Variants in OAS2 observed in about 807,000 individuals in gnomAD.
OAS2 encodes 2'-5'-oligoadenylate synthetase 2, also known as 2'-5'-oligoadenylate synthase 2.
OAS2 carries 67 observed loss-of-function variants against 71.3 expected under a neutral mutation model. That is an observed-to-expected ratio of 0.94 (90% CI 0.77 to 1.15). The LOEUF (loss-of-function observed/expected upper bound fraction) is 1.15, where lower values mean the gene tolerates loss of function less well. Among genes scored for constraint, OAS2 ranks in the 50% most tolerant of loss-of-function variants. OAS2 has a pLI of 0.00. For missense variants in OAS2, 789 were observed against 822.5 expected (o/e 0.96, Z 0.50); for synonymous variants, 327 against 321.8 (o/e 1.02, Z -0.17).
At chr12:112,990,945 C>T (rs1337865801) in intron 2 of OAS2, among the ~76,000 whole-genome samples, 1 of 152,160 alleles carries the variant, frequency 6.6e-6, no homozygotes, top group East Asian at 1.9e-4. Context: ...GGGGTTCATT[C>T]AGTAGGTTGG....
chr12:112,995,339 A>G lies in OAS2; in HGVS notation c.492A>G (p.Lys164=). ...NPSPWIYREL[K]RSLDKTNASP... ...GCCCCTGGATCTATCGAGAGCTCAA[A>G]AGATCCTTGGATAAGACAAATGCCA... The change falls in exon 3 of 10, where the codon AAA becomes AAG. Residue 164 remains lysine, a synonymous_variant. Coordinates refer to ENST00000392583, the MANE Select transcript of OAS2 (RefSeq NM_002535.3). 6.2e-7 allele frequency: 1 copy of G among 1,613,998 alleles called. No homozygotes were observed. The highest frequency in any genetic ancestry group is 1.1e-5 in the South Asian group (1 of 91,014).
chr12:112,989,822 G>A (rs965594484), intron 2 of OAS2, among the ~76,000 whole-genome samples: 2 of 152,050 alleles, frequency 1.3e-5, no homozygotes, highest in Non-Finnish European at 2.9e-5. Context: ...GACTGGGGGT[G>A]CTTAGAATTT....
chr12:112,994,808 G>A (rs1593200250), intron 2 of OAS2, among the ~76,000 whole-genome samples: 1 of 152,082 alleles, frequency 6.6e-6, no homozygotes, highest in Non-Finnish European at 1.5e-5. Context: ...AGACCTCCAG[G>A]GCCCTGCTGC....
At chr12:112,994,188 C>T (rs2044215982) in intron 2 of OAS2, among the ~76,000 whole-genome samples, 2 of 152,126 alleles carry the variant, frequency 1.3e-5, no homozygotes, top group South Asian at 4.1e-4. Context: ...CCCTAATTCC[C>T]GTTTTCCCAC....
chr12:112,992,038 G>A (rs912793993), intron 2 of OAS2, among the ~76,000 whole-genome samples: 1 of 151,904 alleles, frequency 6.6e-6, no homozygotes, highest in Non-Finnish European at 1.5e-5. Context: ...TATGGATGAG[G>A]TAGATAGATG....
chr12:112,985,567 T>G (rs1471320466), intron 1 of OAS2, among the ~76,000 whole-genome samples: 1 of 152,246 alleles, frequency 6.6e-6, no homozygotes, highest in African/African-American at 2.4e-5. Flanking sequence ...TTTTCCTGAT[T>G]TATTTGTATT....
intron 1 of OAS2, among the ~76,000 whole-genome samples, chr12:112,981,807 A>G (rs1427548536): frequency 6.6e-6 from 1 of 152,172 alleles, no homozygotes; most frequent in African/African-American, 2.4e-5. Flanking sequence ...TTTGGGTAGT[A>G]TGGTTATTTT....
At chr12:112,994,019 T>C (rs976603393) in intron 2 of OAS2, among the ~76,000 whole-genome samples, 2 of 152,142 alleles carry the variant, frequency 1.3e-5, no homozygotes, top group Middle Eastern at 3.2e-3. Flanking sequence ...CCTTCTGATC[T>C]TAAAGCTTGA....
Position 113,006,561 on chromosome 12 carries a change from A to G in OAS2, c.1617A>G (p.Leu539=), listed in dbSNP as rs1469429154. The G allele has an allele frequency of 1.2e-6, 2 of 1,610,678 alleles. No homozygotes were observed. Among genetic ancestry groups the G allele is most frequent in the Non-Finnish European group, 1.7e-6 (2 of 1,177,366 alleles). ...TCATTCGCTCCCGGCCCACCAAACTAAAGGATTTAATTCGCCTGGTGAAGC... is the reference window on the plus strand; with the variant it reads ...TCATTCGCTCCCGGCCCACCAAACTGAAGGATTTAATTCGCCTGGTGAAGC... ...RNFIRSRPTK[L]KDLIRLVKHW... The change falls in exon 8 of 10, where the codon CTA becomes CTG. Residue 539 remains leucine, a synonymous_variant. Transcript: ENST00000392583.
At chr12:112,992,362 G>T (rs2044199548) in intron 2 of OAS2, among the ~76,000 whole-genome samples, 1 of 144,336 alleles carries the variant, frequency 6.9e-6, no homozygotes, top group Admixed American at 7.3e-5. Context: ...CTATACTCCA[G>T]CCTGGACAAC....
chr12:112,980,713 T>C (rs2044073144), intron 1 of OAS2, among the ~76,000 whole-genome samples: 3 of 152,156 alleles, frequency 2.0e-5, no homozygotes, highest in Admixed American at 2.0e-4. Flanking sequence ...GGTGCAGTTA[T>C]CCCTTTTTTG....
chr12:112,987,504 T>G (rs1273019901), intron 2 of OAS2, 196 bp downstream of exon 2: 1 of 1,422,072 alleles, frequency 7.0e-7, no homozygotes, highest in Non-Finnish European at 9.2e-7. Flanking sequence ...CCCCATACCC[T>G]GATTGTCTTT....
At chr12:113,001,356 A>G (rs951087589) in intron 5 of OAS2, among the ~76,000 whole-genome samples, 2 of 120,154 alleles carry the variant, frequency 1.7e-5, no homozygotes, top group African/African-American at 7.2e-5. Flanking sequence ...CAAAAAATAT[A>G]TATATACATA....
At chr12:113,008,650 G>C (rs905781622) in intron 9 of OAS2, among the ~76,000 whole-genome samples, 1 of 152,156 alleles carries the variant, frequency 6.6e-6, no homozygotes, top group Non-Finnish European at 1.5e-5. Flanking sequence ...TTTTGAGACA[G>C]AGCCTCACTC....
intron 2 of OAS2, chr12:112,988,874 C>T (rs1473079508): frequency 6.2e-6 from 2 of 322,960 alleles, no homozygotes; most frequent in African/African-American, 2.2e-5. Context: ...TGAATCAGGA[C>T]CCTCTTTTCC....
intron 8 of OAS2, 49 bp from the exon 9 acceptor site, chr12:113,007,656 C>A (rs2044346228): frequency 6.6e-7 from 1 of 1,518,180 alleles, no homozygotes. Context: ...GCGGCTCTCA[C>A]TGAGCTCCTA....
At chr12:113,007,679 C>T (rs759862638) in intron 8 of OAS2, 26 bp from the exon 9 acceptor site, 24 of 1,591,310 alleles carry the variant, frequency 1.5e-5, no homozygotes, top group Middle Eastern at 1.7e-4. Flanking sequence ...CTAACCAGTT[C>T]GTCTGATGTT....
At chr12:112,994,414 G>A (rs1419280229) in intron 2 of OAS2, among the ~76,000 whole-genome samples, 1 of 152,064 alleles carries the variant, frequency 6.6e-6, no homozygotes, top group African/African-American at 2.4e-5. Flanking sequence ...CAATAAATGT[G>A]TTTATTTTAT....
intron 1 of OAS2, among the ~76,000 whole-genome samples, chr12:112,983,554 A>C (rs2044102869): frequency 6.6e-6 from 1 of 152,036 alleles, no homozygotes; most frequent in Non-Finnish European, 1.5e-5. Context: ...CTTAAGATGA[A>C]CCGTTAGGTT....
Sources: allele counts gnomAD v4.1 joint callset (sites outside exome capture counted in the v4.1 genomes callset), GRCh38; gene constraint gnomAD v4.1.1; transcripts MANE v1.5; gene names NCBI Gene and HGNC (gene_info 2026-07-23, HGNC 2026-07-21).